Variants in CSMD3 observed in about 807,000 individuals in gnomAD.
The protein encoded by CSMD3 is CUB and sushi domain-containing protein 3.
CSMD3 carries 177 observed loss-of-function variants against 435.2 expected under a neutral mutation model. That is an observed-to-expected ratio of 0.41 (90% CI 0.36 to 0.46). The LOEUF is 0.46. CSMD3 is among the 20% of genes least tolerant of loss of function. The pLI, the probability that CSMD3 is intolerant of heterozygous loss-of-function variation, is 0.34. For synonymous variants in CSMD3, 1,656 were observed against 1,520.5 expected (o/e 1.09, Z -2.07); for missense variants, 4,265 against 4,504.6 (o/e 0.95, Z 1.52).
At chr8:112,308,608 A>G (rs896368618) in intron 50 of CSMD3, among the ~76,000 whole-genome samples, 3 of 152,072 alleles carry the variant, frequency 2.0e-5, no homozygotes, top group African/African-American at 7.2e-5. Context: ...GGAAATCACA[A>G]ATTAAAAGTG....
intron 17 of CSMD3, among the ~76,000 whole-genome samples, chr8:112,661,226 T>C (rs2075372882): frequency 1.3e-5 from 2 of 152,152 alleles, no homozygotes; most frequent in Admixed American, 6.6e-5. Context: ...ATTTAACTAG[T>C]GTTACATTTT....
At position 112,288,002 on chromosome 8, in the gene CSMD3, T is replaced by G. The variant is rs1819378493; in HGVS notation, c.9149-756A>C. 2.0e-5 allele frequency among the ~76,000 whole-genome samples: 3 copies of G among 146,870 alleles called. 1 individual carries two copies. The Admixed American group carries it at 2.1e-4, about 10-fold the overall frequency. ...AAAATTGCCATAGTGTTAATATACATTGAGAGAGAGAGTGAGCGAGCTAGA... is the reference window on the plus strand; with the variant it reads ...AAAATTGCCATAGTGTTAATATACAGTGAGAGAGAGAGTGAGCGAGCTAGA... On this transcript the variant is annotated intron_variant, in intron 57 of 70. Transcript: ENST00000297405.
At chr8:112,248,452 C>T (rs2130176631) in intron 63 of CSMD3, among the ~76,000 whole-genome samples, 1 of 151,984 alleles carries the variant, frequency 6.6e-6, no homozygotes, top group African/African-American at 2.4e-5. Flanking sequence ...GTCATTTCCT[C>T]AAAACAATCA....
At chr8:113,235,819 G>A (rs984302133) in intron 3 of CSMD3, among the ~76,000 whole-genome samples, 1 of 152,016 alleles carries the variant, frequency 6.6e-6, no homozygotes, top group Non-Finnish European at 1.5e-5. Flanking sequence ...TGCATCCCTT[G>A]CACCCTCATG....
chr8:112,667,521 G>A (rs547280934), intron 16 of CSMD3, among the ~76,000 whole-genome samples: 62 of 152,052 alleles, frequency 4.1e-4, no homozygotes, highest in African/African-American at 1.3e-3. Flanking sequence ...TCCATGCTAC[G>A]GATACAGTGA....
chr8:112,440,296 A>G (rs557576371), intron 32 of CSMD3, among the ~76,000 whole-genome samples: 19 of 152,272 alleles, frequency 1.2e-4, no homozygotes, highest in African/African-American at 4.3e-4. Context: ...CATTGACTCC[A>G]TGTCTCACAT....
At chr8:112,930,504 A>C (rs905192777) in intron 9 of CSMD3, among the ~76,000 whole-genome samples, 7 of 152,098 alleles carry the variant, frequency 4.6e-5, no homozygotes, top group African/African-American at 1.7e-4. Context: ...CAGAGTAGGG[A>C]AACACTATAG....
chr8:113,332,324 A>G (rs1470351777), intron 1 of CSMD3, among the ~76,000 whole-genome samples: 1 of 149,574 alleles, frequency 6.7e-6, no homozygotes, highest in African/African-American at 2.5e-5. Flanking sequence ...AAAAAAAAAG[A>G]TATCTTCAAA....
chr8:113,360,489 T>C lies in CSMD3; in HGVS notation c.179-45696A>G, dbSNP rs187241311. Among the ~76,000 whole-genome samples the C allele has an allele frequency of 2.6e-5, 4 of 152,074 alleles. No individual in the cohort carries two copies. The East Asian group carries it at 5.8e-4, about 22-fold the overall frequency. ...CTTCAAAGGACACATCAATTTACAC[T>C]GGGACACATGTAAAAGTGATGACAC... On this transcript the variant is annotated intron_variant, in intron 1 of 70. Transcript: ENST00000297405.
chr8:113,367,740 G>A (rs1446670358), intron 1 of CSMD3, among the ~76,000 whole-genome samples: 4 of 151,990 alleles, frequency 2.6e-5, no homozygotes, highest in African/African-American at 4.8e-5. Context: ...GTTTGGAACA[G>A]TCTAATCTCC....
At chr8:113,151,409 C>T (rs2091802632) in intron 4 of CSMD3, among the ~76,000 whole-genome samples, 1 of 151,646 alleles carries the variant, frequency 6.6e-6, no homozygotes, top group Non-Finnish European at 1.5e-5. Flanking sequence ...TAAGACAAAA[C>T]ACCAGAAATA....
chr8:112,953,370 T>C (rs2083896505), intron 8 of CSMD3, among the ~76,000 whole-genome samples: 1 of 151,530 alleles, frequency 6.6e-6, no homozygotes, highest in Non-Finnish European at 1.5e-5. Flanking sequence ...GAATAATTTC[T>C]ATAAAAGTCA....
intron 3 of CSMD3, among the ~76,000 whole-genome samples, chr8:113,246,985 A>G (rs2132274852): frequency 6.6e-6 from 1 of 152,292 alleles, no homozygotes; most frequent in South Asian, 2.1e-4. Context: ...CTGCTGGTGG[A>G]GGACCAGAAG....
intron 13 of CSMD3, among the ~76,000 whole-genome samples, chr8:112,796,691 CTAA>C (rs35864517): frequency 0.1 from 15,159 of 151,834 alleles, 930 homozygotes; most frequent in Middle Eastern, 0.28. Context: ...CAAAACAAAA[CTAA>C]TGTTTCTAAG....
chr8:112,350,086 A>G (rs1378664201), intron 40 of CSMD3, among the ~76,000 whole-genome samples: 2 of 152,036 alleles, frequency 1.3e-5, no homozygotes, highest in Non-Finnish European at 2.9e-5. Flanking sequence ...CAAGCCAACA[A>G]GAGAGGCCCT....
At chr8:112,629,203 T>C (rs1011155085) in intron 22 of CSMD3, among the ~76,000 whole-genome samples, 2 of 150,858 alleles carry the variant, frequency 1.3e-5, no homozygotes, top group Admixed American at 1.3e-4. Flanking sequence ...GCGATTTTAT[T>C]ATTATTTATT....
chr8:112,734,054 G>A (rs541607497), intron 13 of CSMD3, among the ~76,000 whole-genome samples: 60 of 152,016 alleles, frequency 3.9e-4, no homozygotes, highest in African/African-American at 1.3e-3. Context: ...CCTGGAAGGA[G>A]TTAGAAACAC....
chr8:113,176,377 C>T (rs1400245424), intron 3 of CSMD3, among the ~76,000 whole-genome samples: 1 of 152,018 alleles, frequency 6.6e-6, no homozygotes, highest in Non-Finnish European at 1.5e-5. Flanking sequence ...CTTCTTCCAA[C>T]CCTTTAATTC....
intron 22 of CSMD3, among the ~76,000 whole-genome samples, chr8:112,622,713 G>A (rs556100549): frequency 3.3e-5 from 5 of 152,216 alleles, no homozygotes; most frequent in East Asian, 1.9e-4. Context: ...TCTGGCACAC[G>A]TAGCTATTTA....
Sources: gnomAD v4.1 joint callset for allele counts (sites outside exome capture counted in the v4.1 genomes callset) on GRCh38, gnomAD v4.1.1 for gene constraint, MANE v1.5 for transcripts, NCBI Gene and HGNC (gene_info 2026-07-23, HGNC 2026-07-21) for gene names.